Variants in NRXN3 observed in about 807,000 individuals in gnomAD.
NRXN3 encodes the protein neurexin 3.
NRXN3 carries 32 observed loss-of-function variants against 137.6 expected under a neutral mutation model. The ratio of observed to expected loss-of-function variants is 0.23; its 90% CI spans 0.18 to 0.31. The LOEUF is 0.31. NRXN3 is among the 10% of genes least tolerant of loss of function. NRXN3 has a pLI of 1.00. For missense variants in NRXN3, 1,574 were observed against 2,062.5 expected (o/e 0.76, Z 4.59); for synonymous variants, 798 against 784.5 (o/e 1.02, Z -0.29).
At chr14:78,405,613 C>CGGGGGGGGGGGGGGG (rs3037826) in intron 4 of NRXN3, among the ~76,000 whole-genome samples, 1 of 128,768 alleles carries the variant, frequency 7.8e-6, no homozygotes, top group Non-Finnish European at 1.6e-5. Context: ...GGGGAAGGGG[C>CGGGGGGGGGGGGGGG]GGGGGGGTTC....
intron 4 of NRXN3, among the ~76,000 whole-genome samples, chr14:78,579,182 A>C (rs561562119): frequency 1.3e-4 from 20 of 152,350 alleles, no homozygotes; most frequent in Admixed American, 6.5e-5. Context: ...TCTCACGGCA[A>C]GTACATCTGC....
intron 15 of NRXN3, among the ~76,000 whole-genome samples, chr14:79,212,936 A>G (rs2067912856): frequency 6.6e-6 from 1 of 152,002 alleles, no homozygotes; most frequent in African/African-American, 2.4e-5. Context: ...GTATTGGGAT[A>G]GATTACTTTC....
rs983052173 is a variant in NRXN3 at position 79,189,913 on chromosome 14, T to G, written c.3262+201772T>G. Among the ~76,000 whole-genome samples the G allele has an allele frequency of 1.1e-4, 17 of 152,338 alleles. 1 individual carries two copies. Among genetic ancestry groups the G allele is most frequent in the Middle Eastern group, 3.4e-3 (1 of 294 alleles). ...CAAATGTATTACACTGTGATTTTTT[T>G]CTTCCTTGAGAAAGATTTCCCTGAA... On this transcript the variant is annotated intron_variant, in intron 15 of 20. Transcript: ENST00000335750.
At chr14:78,626,865 C>A (rs957331543) in intron 4 of NRXN3, among the ~76,000 whole-genome samples, 15 of 152,220 alleles carry the variant, frequency 9.9e-5, no homozygotes, top group Non-Finnish European at 1.9e-4. Flanking sequence ...AGTGGAGAAG[C>A]ATTTTATATA....
chr14:79,082,089 CATACTT>C (rs2047142235), intron 15 of NRXN3, among the ~76,000 whole-genome samples: 2 of 151,328 alleles, frequency 1.3e-5, no homozygotes, highest in Non-Finnish European at 2.9e-5. Context: ...CATATATACA[CATACTT>C]ATATATACAT....
intron 8 of NRXN3, among the ~76,000 whole-genome samples, chr14:78,724,204 C>T (rs1243158874): frequency 6.6e-6 from 1 of 152,118 alleles, no homozygotes; most frequent in Non-Finnish European, 1.5e-5. Flanking sequence ...TGATGACACC[C>T]GATACTGAGT....
intron 4 of NRXN3, among the ~76,000 whole-genome samples, chr14:78,571,365 C>T (rs2096887721): frequency 6.6e-6 from 1 of 152,088 alleles, no homozygotes; most frequent in Non-Finnish European, 1.5e-5. Flanking sequence ...GACTGGAAGC[C>T]TGAGTTTCTC....
At chr14:79,118,269 C>G (rs1173462081) in intron 15 of NRXN3, among the ~76,000 whole-genome samples, 1 of 151,994 alleles carries the variant, frequency 6.6e-6, no homozygotes, top group Non-Finnish European at 1.5e-5. Flanking sequence ...TTAGTTTGCT[C>G]ACAAAAGCTT....
chr14:78,383,977 T>C (rs2089559947), intron 4 of NRXN3, among the ~76,000 whole-genome samples: 1 of 152,210 alleles, frequency 6.6e-6, no homozygotes, highest in Non-Finnish European at 1.5e-5. Context: ...CAATTGGTCC[T>C]GTGGCACAGA....
At chr14:78,370,241 C>T (rs543261765) in intron 4 of NRXN3, among the ~76,000 whole-genome samples, 1 of 152,232 alleles carries the variant, frequency 6.6e-6, no homozygotes, top group African/African-American at 2.4e-5. Flanking sequence ...GCTTTCTGGC[C>T]TCAACTCTTG....
chr14:78,413,531 C>T (rs1156753854), intron 4 of NRXN3, among the ~76,000 whole-genome samples: 4 of 152,138 alleles, frequency 2.6e-5, no homozygotes, highest in Admixed American at 2.0e-4. Flanking sequence ...GTGGTCCGGC[C>T]GAGGCCTCCC....
At chr14:78,246,377 G>T (rs997557934) in intron 2 of NRXN3, among the ~76,000 whole-genome samples, 1 of 150,762 alleles carries the variant, frequency 6.6e-6, no homozygotes, top group Non-Finnish European at 1.5e-5. Context: ...TTTAATAATT[G>T]TTTTTTTTTC....
intron 10 of NRXN3, among the ~76,000 whole-genome samples, chr14:78,842,413 G>A (rs1246474330): frequency 6.6e-6 from 1 of 152,072 alleles, no homozygotes; most frequent in Non-Finnish European, 1.5e-5. Flanking sequence ...TTTCCAAAAG[G>A]GGAGGGAGTG....
intron 8 of NRXN3, among the ~76,000 whole-genome samples, chr14:78,737,481 G>C (rs2098546184): frequency 6.6e-6 from 1 of 152,152 alleles, no homozygotes. Flanking sequence ...GCAGAGCAAA[G>C]TGATGGGTGC....
chr14:79,213,877 G>A (rs1477604357), intron 15 of NRXN3, among the ~76,000 whole-genome samples: 1 of 152,158 alleles, frequency 6.6e-6, no homozygotes, highest in Non-Finnish European at 1.5e-5. Context: ...CGACCAGGTA[G>A]CATTTCCATT....
intron 8 of NRXN3, among the ~76,000 whole-genome samples, chr14:78,775,772 G>T (rs370655982): frequency 6.6e-5 from 10 of 152,148 alleles, no homozygotes; most frequent in East Asian, 5.8e-4. Flanking sequence ...TTTGATATCT[G>T]TATTTTAAAA....
At chr14:79,856,550 C>T (rs916728394) in intron 20 of NRXN3, among the ~76,000 whole-genome samples, 3 of 151,804 alleles carry the variant, frequency 2.0e-5, no homozygotes, top group Non-Finnish European at 2.9e-5. Context: ...TTGGTATTTT[C>T]GTGAACTCTC....
At chr14:79,386,509 G>T (rs1359253578) in intron 15 of NRXN3, among the ~76,000 whole-genome samples, 1 of 152,082 alleles carries the variant, frequency 6.6e-6, no homozygotes, top group African/African-American at 2.4e-5. Context: ...TCAATATCGT[G>T]AAAATGGCCA....
chr14:79,690,894 G>C (rs2098714082), intron 17 of NRXN3, among the ~76,000 whole-genome samples: 4 of 152,032 alleles, frequency 2.6e-5, no homozygotes. Context: ...ATGGCTTTTA[G>C]AATTCTTTGT....
Sources: gnomAD v4.1 joint callset for allele counts (sites outside exome capture counted in the v4.1 genomes callset) on GRCh38, gnomAD v4.1.1 for gene constraint, MANE v1.5 for transcripts, NCBI Gene and HGNC (gene_info 2026-07-23, HGNC 2026-07-21) for gene names.